Variants in PRKDC observed in about 807,000 individuals in gnomAD.
The protein encoded by PRKDC is DNA-dependent protein kinase catalytic subunit.
In PRKDC, 82 loss-of-function variants were observed where a neutral mutation model predicts 486.9. The observed-to-expected ratio is 0.17, with a 90% CI of 0.14 to 0.20. The LOEUF (loss-of-function observed/expected upper bound fraction) is 0.20. PRKDC is among the 10% of genes least tolerant of loss of function. The pLI, the probability that PRKDC is intolerant of heterozygous loss-of-function variation, is 1.00. For missense variants in PRKDC, 4,504 were observed against 5,038.2 expected (o/e 0.89, Z 3.21); for synonymous variants, 1,895 against 1,837.0 (o/e 1.03, Z -0.81).
At chr8:47,812,665 T>C (rs2087354507) in intron 68 of PRKDC, among the ~76,000 whole-genome samples, 1 of 151,932 alleles carries the variant, frequency 6.6e-6, no homozygotes, top group Non-Finnish European at 1.5e-5. Context: ...AAATCAACAG[T>C]TTCCACCTAA....
intron 16 of PRKDC, among the ~76,000 whole-genome samples, chr8:47,932,065 T>G (rs916640092): frequency 6.7e-6 from 1 of 150,094 alleles, no homozygotes; most frequent in Non-Finnish European, 1.5e-5. Context: ...TCATTTTTTT[T>G]GTATTTTGTT....
At chr8:47,831,293 G>A (rs1480509664) in intron 60 of PRKDC, among the ~76,000 whole-genome samples, 1 of 152,230 alleles carries the variant, frequency 6.6e-6, no homozygotes, top group East Asian at 1.9e-4. Flanking sequence ...CTCCTGTGGC[G>A]GCGGCGGCTG....
rs1396987373 is a variant in PRKDC at position 47,794,293 on chromosome 8, G to A, written c.10667C>T (p.Ala3556Val). The A allele has an allele frequency of 4.4e-6, 7 of 1,608,246 alleles. No individual in the cohort carries two copies. The highest frequency in any genetic ancestry group is 6.0e-6 in the Non-Finnish European group (7 of 1,176,186). ...STGHKNKEFVARIKSKLDQGG... is the reference protein window; with the variant it reads ...STGHKNKEFVVRIKSKLDQGG... ...TTCCTTCTGTAATATTACCTACCTT[G>A]CCACAAACTCCTTATTCTTATGACC... Residue 3556 changes from alanine (A) to valine (V), a missense_variant, in exon 74 of 86, where the codon GCA becomes GTA. Transcript: ENST00000314191.
chr8:47,935,265 G>C (rs867137937), intron 13 of PRKDC, among the ~76,000 whole-genome samples: 1 of 152,142 alleles, frequency 6.6e-6, no homozygotes, highest in South Asian at 2.1e-4. Flanking sequence ...ACTTTGGGAG[G>C]CTGAGGCAGG....
intron 54 of PRKDC, 120 bp from the exon 55 acceptor site, chr8:47,840,309 T>C: frequency 1.4e-6 from 1 of 712,242 alleles, no homozygotes; most frequent in South Asian, 2.2e-5. Flanking sequence ...AACGCTACAC[T>C]TATATAAAAC....
rs757075989 is a variant in PRKDC, at chr8:47,863,456, T to C, written c.5693A>G (p.Gln1898Arg). Residue 1898 changes from glutamine (Q) to arginine (R), a missense_variant, in exon 42 of 86, where the codon CAA (glutamine) becomes CGA (arginine). By Grantham distance (43) the Gln-to-Arg change is conservative. Coordinates refer to ENST00000314191, the MANE Select transcript of PRKDC (RefSeq NM_006904.7). ...TGTAATACACGAGCCATGGAAAACTTGATTAATTTTTGATTCCTTAGCATG... is the reference window on the plus strand; with the variant it reads ...TGTAATACACGAGCCATGGAAAACTCGATTAATTTTTGATTCCTTAGCATG... ...DVHAKESKIN[Q>R]VFHGSCITEG... 1 of 1,612,582 alleles carries C rather than the reference T, an allele frequency of 6.2e-7. No homozygotes were observed. The highest frequency in any genetic ancestry group is 1.1e-5 in the South Asian group (1 of 90,762).
At chr8:47,926,445 T>G (rs1372732800) in intron 21 of PRKDC, among the ~76,000 whole-genome samples, 3 of 152,150 alleles carry the variant, frequency 2.0e-5, no homozygotes, top group African/African-American at 7.2e-5. Flanking sequence ...ACCTCACAAT[T>G]TTTTTTCTGT....
At chr8:47,841,088 G>A (rs1378664122) in intron 54 of PRKDC, among the ~76,000 whole-genome samples, 2 of 152,204 alleles carry the variant, frequency 1.3e-5, no homozygotes. Context: ...TAAGGAAGGG[G>A]TGAGTGGAGT....
intron 80 of PRKDC, chr8:47,779,297 T>G: frequency 2.2e-6 from 1 of 458,924 alleles, no homozygotes; most frequent in Non-Finnish European, 3.8e-6. Flanking sequence ...TCTTAATTAC[T>G]CCTAAAGAAA....
intron 30 of PRKDC, among the ~76,000 whole-genome samples, chr8:47,896,476 T>C (rs1285685587): frequency 2.0e-5 from 3 of 151,758 alleles, no homozygotes. Context: ...TGAAACCCCG[T>C]CTCTACTAAA....
chr8:47,945,544 T>C (rs2090518969), intron 7 of PRKDC, among the ~76,000 whole-genome samples: 1 of 152,188 alleles, frequency 6.6e-6, no homozygotes, highest in Admixed American at 6.5e-5. Flanking sequence ...GCATCCTGTC[T>C]GCAAGGTTCA....
chr8:47,829,603 AG>A (rs1336735171), intron 61 of PRKDC, among the ~76,000 whole-genome samples: 1 of 152,174 alleles, frequency 6.6e-6, no homozygotes, highest in Non-Finnish European at 1.5e-5. Context: ...TCTTGTTATA[AG>A]AAGTTCTAGT....
At chr8:47,842,304 A>C (rs1007778358) in intron 54 of PRKDC, among the ~76,000 whole-genome samples, 3 of 152,176 alleles carry the variant, frequency 2.0e-5, no homozygotes, top group Admixed American at 2.0e-4. Flanking sequence ...AACGCACTGT[A>C]ATCTAAGAGT....
chr8:47,908,371 A>C (rs1188965146), intron 25 of PRKDC, among the ~76,000 whole-genome samples: 1 of 152,152 alleles, frequency 6.6e-6, no homozygotes, highest in East Asian at 1.9e-4. Context: ...CTTCAGTAGT[A>C]TGTTGCACAT....
intron 54 of PRKDC, among the ~76,000 whole-genome samples, chr8:47,844,281 T>C (rs963533720): frequency 6.6e-6 from 1 of 152,136 alleles, no homozygotes; most frequent in Non-Finnish European, 1.5e-5. Context: ...AAACCAACAA[T>C]AGTTAAAAAG....
intron 51 of PRKDC, among the ~76,000 whole-genome samples, chr8:47,853,515 G>A (rs2088463970): frequency 6.6e-6 from 1 of 152,090 alleles, no homozygotes; most frequent in Admixed American, 6.5e-5. Flanking sequence ...CTTTTATGAT[G>A]TCCCGGAACC....
intron 48 of PRKDC, among the ~76,000 whole-genome samples, chr8:47,858,068 C>G (rs181556177): frequency 6.6e-6 from 1 of 152,312 alleles, no homozygotes; most frequent in Non-Finnish European, 1.5e-5. Flanking sequence ...TTCACCACGT[C>G]TAGCTCAAAG....
At chr8:47,809,957 G>T (rs2087295584) in intron 68 of PRKDC, among the ~76,000 whole-genome samples, 1 of 152,178 alleles carries the variant, frequency 6.6e-6, no homozygotes, top group Non-Finnish European at 1.5e-5. Flanking sequence ...AACAGGAAAA[G>T]GAGTCCAGGC....
chr8:47,841,705 T>A (rs2088149259), intron 54 of PRKDC, among the ~76,000 whole-genome samples: 1 of 152,134 alleles, frequency 6.6e-6, no homozygotes, highest in South Asian at 2.1e-4. Flanking sequence ...GAGTGCTGGG[T>A]AAGTCCCCTT....
Sources: allele counts gnomAD v4.1 joint callset (sites outside exome capture counted in the v4.1 genomes callset), GRCh38; gene constraint gnomAD v4.1.1; transcripts MANE v1.5; gene names NCBI Gene and HGNC (gene_info 2026-07-23, HGNC 2026-07-21).